The following CAPN14 variants were observed in gnomAD, a reference collection of about 807,000 sequenced individuals.
CAPN14 encodes the protein calpain 14, also known as calpain-14.
CAPN14 carries 94 observed loss-of-function variants against 101.3 expected under a neutral mutation model. The observed-to-expected ratio is 0.93, with a 90% confidence interval of 0.79 to 1.10. CAPN14 has a LOEUF of 1.10. CAPN14 is among the 50% of genes least tolerant of loss of function. The pLI, the probability that CAPN14 is intolerant of heterozygous loss-of-function variation, is 0.00. For synonymous variants in CAPN14, 338 were observed against 317.9 expected (o/e 1.06, Z -0.67); for missense variants, 837 against 828.4 (o/e 1.01, Z -0.13).
At chr2:31,200,381 G>A (rs1681691716) in intron 6 of CAPN14, 70 bp downstream of exon 6, 3 of 1,379,868 alleles carry the variant, frequency 2.2e-6, no homozygotes, top group African/African-American at 2.9e-5. Flanking sequence ...CCAGGTGAGG[G>A]TAGTGGTGGT....
chr2:31,194,200 C>T (rs540035564), intron 9 of CAPN14, among the ~76,000 whole-genome samples: 1 of 152,260 alleles, frequency 6.6e-6, no homozygotes, highest in South Asian at 2.1e-4. Flanking sequence ...TGAGCTCCAC[C>T]CTAGTGGCCT....
chr2:31,207,153 T>G (rs905637852), intron 1 of CAPN14, among the ~76,000 whole-genome samples: 6 of 151,982 alleles, frequency 3.9e-5, no homozygotes, highest in Non-Finnish European at 5.9e-5. Flanking sequence ...GTGCTTATAC[T>G]GAGTGTGACT....
intron 1 of CAPN14, among the ~76,000 whole-genome samples, chr2:31,213,257 A>T (rs938328811): frequency 2.0e-5 from 3 of 152,188 alleles, no homozygotes; most frequent in African/African-American, 7.2e-5. Context: ...GATGACATGT[A>T]CTGTGCCTAC....
chr2:31,189,821 C>T (rs1209400167), intron 12 of CAPN14: 1 of 464,024 alleles, frequency 2.2e-6, no homozygotes, highest in African/African-American at 2.0e-5. Context: ...GGTCATCTGC[C>T]CAGAGTCATC....
rs77161269 is a variant in CAPN14 at position 31,211,370 on chromosome 2, A to G, written c.-52-5871T>C. On this transcript the variant is annotated intron_variant, in intron 1 of 21. Transcript: ENST00000403897. ...AAATATTTTTTAAAAACCATAGGAA[A>G]TAACAGAATTCAAGAAGGTCAATGA... is the stretch of plus-strand genomic sequence containing the variant. 6.6e-3 allele frequency among the ~76,000 whole-genome samples: 999 copies of G among 152,322 alleles called. 13 individuals carry two copies. Among genetic ancestry groups the G allele is most frequent in the Non-Finnish European group, 7.4e-3 (504 of 68,034 alleles).
At chr2:31,222,523 A>T (rs1420100789) in intron 2 of CAPN14, among the ~76,000 whole-genome samples, 3 of 152,190 alleles carry the variant, frequency 2.0e-5, no homozygotes, top group African/African-American at 7.2e-5. Context: ...ACAAAATGGG[A>T]ATGATAGATA....
chr2:31,180,915 C>T (rs1351420616), intron 17 of CAPN14, 21 bp downstream of exon 17: 2 of 1,549,350 alleles, frequency 1.3e-6, no homozygotes, highest in Admixed American at 2.0e-5. Context: ...CAAGCATCCA[C>T]CCACAAACCT....
At chr2:31,214,838 T>A (rs546192855) in intron 1 of CAPN14, among the ~76,000 whole-genome samples, 2 of 152,312 alleles carry the variant, frequency 1.3e-5, no homozygotes, top group East Asian at 3.9e-4. Flanking sequence ...CTGGCGTCGC[T>A]CATTGCAGCT....
chr2:31,204,219 GT>G (rs1299468698), intron 2 of CAPN14, among the ~76,000 whole-genome samples: 1 of 152,112 alleles, frequency 6.6e-6, no homozygotes, highest in Non-Finnish European at 1.5e-5. Context: ...ATCACCCTTG[GT>G]TTTTTCCATC....
intron 1 of CAPN14, among the ~76,000 whole-genome samples, chr2:31,210,931 T>C (rs956700540): frequency 3.9e-5 from 6 of 151,994 alleles, no homozygotes; most frequent in African/African-American, 1.5e-4. Context: ...ATTTCTTCTT[T>C]TTCACTAAAC....
At chr2:31,206,102 G>A (rs375219448) in intron 1 of CAPN14, among the ~76,000 whole-genome samples, 6 of 147,380 alleles carry the variant, frequency 4.1e-5, no homozygotes, top group African/African-American at 7.4e-5. Flanking sequence ...GCGCGATCTC[G>A]GCTCAATGCA....
intron 1 of CAPN14, among the ~76,000 whole-genome samples, chr2:31,211,188 A>G (rs983382611): frequency 1.3e-5 from 2 of 151,540 alleles, no homozygotes; most frequent in African/African-American, 2.4e-5. Context: ...TAAAACAGAA[A>G]GAAAGAAAAA....
intron 16 of CAPN14, 39 bp downstream of exon 16, chr2:31,186,389 T>A: frequency 6.9e-7 from 1 of 1,446,510 alleles, no homozygotes; most frequent in Non-Finnish European, 9.3e-7. Flanking sequence ...AAAAGTTGCA[T>A]CCCCTCTGAG....
rs190904495 is a variant in CAPN14 at position 31,197,185 on chromosome 2, A to C, written c.875+64T>G. On this transcript the variant is annotated intron_variant, in intron 8 of 21. Transcript: ENST00000403897. ...AAAGCACACATTTGAATCTGTGTGC[A>C]AATGGCAGCCTCCTTTGCCTAACCT... 1.3e-3 allele frequency: 1,398 copies of C among 1,114,740 alleles called. 28 individuals are homozygous for C. The East Asian group carries it at 0.03, about 24-fold the overall frequency. The allele number at this position is 1,114,740 out of a possible 1,614,324, so 69.1% of individuals were successfully genotyped here. A position where few individuals can be genotyped will look rare whatever the true frequency, so the allele number is the denominator to read the frequency against.
intron 2 of CAPN14, among the ~76,000 whole-genome samples, chr2:31,223,960 AT>A (rs1246506444): frequency 1.3e-5 from 2 of 152,216 alleles, no homozygotes; most frequent in South Asian, 2.1e-4. Flanking sequence ...GTTGATAGTC[AT>A]TTTTTCCTAT....
chr2:31,181,196 C>T (rs1184444436), intron 16 of CAPN14, among the ~76,000 whole-genome samples, 196 bp from the exon 17 acceptor site: 1 of 152,070 alleles, frequency 6.6e-6, no homozygotes, highest in Non-Finnish European at 1.5e-5. Context: ...AAGTCAAATG[C>T]TATAGGGGAT....
chr2:31,179,060 C>CTATATATATATATATA (rs60701103), intron 17 of CAPN14, among the ~76,000 whole-genome samples: 8 of 69,196 alleles, frequency 1.2e-4, no homozygotes, highest in African/African-American at 5.2e-4. Flanking sequence ...TTATTGAGTT[C>CTATATATATATATATA]TATATATATA....
chr2:31,202,999 A>T (rs2148691490), intron 3 of CAPN14, 71 bp downstream of exon 3: 1 of 1,324,364 alleles, frequency 7.6e-7, no homozygotes, highest in East Asian at 2.5e-5. Context: ...TTCTTTATCA[A>T]CCACTCTGTC....
intron 11 of CAPN14, 41 bp downstream of exon 11, chr2:31,191,894 A>T (rs1347084414): frequency 6.7e-7 from 1 of 1,494,088 alleles, no homozygotes. Flanking sequence ...GGTGACCCCC[A>T]CGCTTGGTCC....
Sources: allele counts gnomAD v4.1 joint callset (sites outside exome capture counted in the v4.1 genomes callset), GRCh38; gene constraint gnomAD v4.1.1; transcripts MANE v1.5; gene names NCBI Gene and HGNC (gene_info 2026-07-23, HGNC 2026-07-21).